Variants in RSF1 observed in about 807,000 individuals in gnomAD.
RSF1 encodes the protein remodeling and spacing factor 1, also known as HBV pX-associated protein 8.
Under a neutral mutation model 145.2 loss-of-function variants are expected in RSF1, and 13 were observed. The ratio of observed to expected loss-of-function variants is 0.09; its 90% CI spans 0.06 to 0.14. RSF1 has a LOEUF of 0.14. Ranked by LOEUF, RSF1 falls within the 10% of genes least tolerant of loss-of-function variation. The pLI, the probability that RSF1 is intolerant of heterozygous loss-of-function variation, is 1.00. For synonymous variants in RSF1, 577 were observed against 592.6 expected (o/e 0.97, Z 0.38); for missense variants, 1,517 against 1,718.2 (o/e 0.88, Z 2.07).
chr11:77,858,327 T>TTTTTTTTC, the RSF1 span, among the ~76,000 whole-genome samples: 1 of 143,006 alleles, frequency 7.0e-6, no homozygotes, highest in Non-Finnish European at 1.5e-5. Flanking sequence ...TTTTTTTTTT[T>TTTTTTTTC]GTAGTTGCAA....
At chr11:77,721,326 C>A (rs1960935736) in intron 5 of RSF1, among the ~76,000 whole-genome samples, 1 of 152,154 alleles carries the variant, frequency 6.6e-6, no homozygotes, top group African/African-American at 2.4e-5. Context: ...TTGTTTACAT[C>A]CGAAAGGAAT....
At position 77,667,478 on chromosome 11, in the gene RSF1, G is replaced by A; in HGVS notation, c.3765C>T (p.Ser1255=). ...SSSESEESYL[S]KNSEDDELAK... ...CTAGCTCATCATCTTCAGAGTTCTT[G>A]GACAAATAGCTCTCTAGAATAAACA... Residue 1255 remains serine (S), a synonymous_variant, in exon 16 of 16, where the codon TCC becomes TCT. Transcript: ENST00000308488. 6.2e-7 allele frequency: 1 copy of A among 1,609,668 alleles called. No individual in the cohort carries two copies. Among genetic ancestry groups the A allele is most frequent in the Non-Finnish European group, 8.5e-7 (1 of 1,179,260 alleles).
At position 77,779,444 on chromosome 11, in the gene RSF1, G is replaced by A. The variant is rs561905922; in HGVS notation, c.188-14755C>T. 9.9e-5 allele frequency among the ~76,000 whole-genome samples: 15 copies of A among 151,170 alleles called. No individual in the cohort carries two copies. The South Asian group carries it at 2.5e-3, about 25-fold the overall frequency. On this transcript the variant is annotated intron_variant, in intron 1 of 15. Coordinates refer to ENST00000308488, the MANE Select transcript of RSF1 (RefSeq NM_016578.4). ...GTTGCCCAGGCTGGAGTGCAATGGC[G>A]CGATCTTGGCTCACTGCAACCTCCG...
intron 1 of RSF1, among the ~76,000 whole-genome samples, chr11:77,778,728 G>A (rs901638982): frequency 3.9e-5 from 6 of 152,142 alleles, no homozygotes; most frequent in Admixed American, 6.6e-5. Context: ...CTTAATTTGG[G>A]AACATGTGAC....
intron 4 of RSF1, among the ~76,000 whole-genome samples, chr11:77,737,619 GGGGTGTGTGTGTGTGT>G (rs1461004802): frequency 6.0e-4 from 61 of 102,382 alleles, no homozygotes; most frequent in South Asian, 1.5e-3. Context: ...TGTGTTTTGG[GGGGTGTGTGTGTGTGT>G]GTGTGTGTGT....
At chr11:77,695,326 G>T (rs1056463396) in intron 7 of RSF1, among the ~76,000 whole-genome samples, 4 of 151,900 alleles carry the variant, frequency 2.6e-5, no homozygotes, top group African/African-American at 9.7e-5. Context: ...TGTTACTGTG[G>T]TGTTCTGATG....
intron 5 of RSF1, among the ~76,000 whole-genome samples, chr11:77,715,577 A>T (rs892841113): frequency 1.3e-5 from 2 of 152,102 alleles, no homozygotes; most frequent in Admixed American, 1.3e-4. Context: ...CTTCCCAAGT[A>T]GCTGGGATTA....
chr11:77,842,529 G>A, the RSF1 span: 1 of 1,613,848 alleles, frequency 6.2e-7, no homozygotes, highest in Non-Finnish European at 8.5e-7. Context: ...CCTTATCATG[G>A]GGGCAAATGA....
intron 5 of RSF1, among the ~76,000 whole-genome samples, chr11:77,707,216 G>C (rs146133097): frequency 1.4e-3 from 216 of 152,264 alleles, no homozygotes; most frequent in African/African-American, 4.6e-3. Context: ...CCTGCAGTAA[G>C]ACACTCAAAC....
rs765542128 is a variant in RSF1, at chr11:77,702,145, C to T, written c.1084G>A (p.Glu362Lys). 9 of 1,613,590 alleles carry T rather than the reference C, an allele frequency of 5.6e-6. No homozygotes were observed. The highest frequency in any genetic ancestry group is 1.3e-5 in the African/African-American group (1 of 74,892). Residue 362 changes from glutamate (E) to lysine (K), a missense_variant, in exon 6 of 16, where the codon GAA becomes AAA. This residue lies in a region of RSF1 where 207 missense variants were observed against 191.4 expected (regional missense o/e 1.08). Coordinates refer to ENST00000308488, the MANE Select transcript of RSF1 (RefSeq NM_016578.4). The part of the protein sequence containing the change: ...EFGGNIKSSH[E>K]ITEKSTEETE... ...TCTTCAGTAGATTTCTCAGTAATTT[C>T]GTGAGAAGATTTAATATTGCCACCA...
chr11:77,729,075 G>A (rs1961132462), intron 4 of RSF1, among the ~76,000 whole-genome samples: 1 of 152,112 alleles, frequency 6.6e-6, no homozygotes, highest in African/African-American at 2.4e-5. Context: ...TTTACACTTG[G>A]TATAAAAGCA....
the RSF1 span, among the ~76,000 whole-genome samples, chr11:77,863,508 C>T: frequency 1.3e-5 from 2 of 152,208 alleles, no homozygotes; most frequent in African/African-American, 2.4e-5. Context: ...TGTGCCTCAG[C>T]CTCCTGAGTA....
chr11:77,724,027 T>C (rs1419182352), intron 5 of RSF1, among the ~76,000 whole-genome samples: 1 of 152,100 alleles, frequency 6.6e-6, no homozygotes, highest in Non-Finnish European at 1.5e-5. Flanking sequence ...ATTACAATTA[T>C]CATAGACTTA....
At chr11:77,734,929 T>G in intron 4 of RSF1, 1 of 1,590,040 alleles carries the variant, frequency 6.3e-7, no homozygotes, top group Non-Finnish European at 8.5e-7. Flanking sequence ...CAGGTAAACG[T>G]AGGAGGCACA....
At chr11:77,695,033 C>G (rs1361497711) in intron 7 of RSF1, among the ~76,000 whole-genome samples, 1 of 152,134 alleles carries the variant, frequency 6.6e-6, no homozygotes, top group South Asian at 2.1e-4. Context: ...CTGTTATTAA[C>G]TTTGGTCACT....
chr11:77,714,722 G>A (rs1044761622), intron 5 of RSF1, among the ~76,000 whole-genome samples: 1 of 152,140 alleles, frequency 6.6e-6, no homozygotes, highest in Non-Finnish European at 1.5e-5. Context: ...CATGCCTGTA[G>A]TTCCAGCTAC....
intron 2 of RSF1, among the ~76,000 whole-genome samples, chr11:77,750,254 G>C (rs996154927): frequency 2.0e-5 from 3 of 152,070 alleles, no homozygotes; most frequent in African/African-American, 7.2e-5. Context: ...CTACACCCGG[G>C]GTAAGCAAGT....
chr11:77,820,104 G>C (rs1352185098), intron 1 of RSF1, among the ~76,000 whole-genome samples: 1 of 152,198 alleles, frequency 6.6e-6, no homozygotes, highest in Non-Finnish European at 1.5e-5. Flanking sequence ...ACTGGTGGGA[G>C]GAGGGGAGGG....
intron 15 of RSF1, among the ~76,000 whole-genome samples, chr11:77,670,535 T>C (rs1288631668): frequency 2.0e-5 from 3 of 152,222 alleles, no homozygotes; most frequent in African/African-American, 7.2e-5. Context: ...TGTCACCTTC[T>C]TCCCAACTAA....
Sources: gnomAD v4.1 joint callset for allele counts (sites outside exome capture counted in the v4.1 genomes callset) on GRCh38, gnomAD v4.1.1 for gene constraint, gnomAD v4.1.1 regional missense constraint, MANE v1.5 for transcripts, NCBI Gene and HGNC (gene_info 2026-07-23, HGNC 2026-07-21) for gene names.